Variants in FREM1 observed in about 807,000 individuals in gnomAD.
The protein encoded by FREM1 is FRAS1 related extracellular matrix 1.
Under a neutral mutation model 210.1 loss-of-function variants are expected in FREM1, and 220 were observed. The ratio of observed to expected loss-of-function variants is 1.05; its 90% CI spans 0.94 to 1.17. FREM1 has a LOEUF of 1.17. Among genes scored for constraint, FREM1 ranks in the 50% most tolerant of loss-of-function variants. The pLI, the probability that FREM1 is intolerant of heterozygous loss-of-function variation, is 0.00. For synonymous variants in FREM1, 1,189 were observed against 980.2 expected (o/e 1.21, Z -3.98); for missense variants, 3,454 against 2,675.5 (o/e 1.29, Z -6.42).
At chr9:14,816,145 T>C (rs1232679289) in intron 15 of FREM1, among the ~76,000 whole-genome samples, 1 of 152,212 alleles carries the variant, frequency 6.6e-6, no homozygotes, top group Non-Finnish European at 1.5e-5. Context: ...TTCTGAGTTT[T>C]ATAGTTCAAA....
At chr9:14,873,478 T>C (rs186346600) in intron 1 of FREM1, among the ~76,000 whole-genome samples, 1 of 152,318 alleles carries the variant, frequency 6.6e-6, no homozygotes, top group Non-Finnish European at 1.5e-5. Flanking sequence ...CAGTATTCTC[T>C]GATGGTAGTT....
intron 29 of FREM1, among the ~76,000 whole-genome samples, chr9:14,752,253 T>C (rs1026953109): frequency 2.0e-5 from 3 of 151,966 alleles, no homozygotes; most frequent in African/African-American, 7.3e-5. Flanking sequence ...CAGAATAGAT[T>C]GTAGAGCCTA....
At chr9:14,746,217 G>A (rs931463825) in intron 35 of FREM1, 136 bp downstream of exon 35, 20 of 603,784 alleles carry the variant, frequency 3.3e-5, no homozygotes, top group Admixed American at 2.7e-4. Flanking sequence ...ACTCCCTCAG[G>A]GCTCCTAAAA....
rs116309680 is a variant in FREM1 at position 14,891,225 on chromosome 9, C to G, written c.-268+18689G>C. 5.1e-3 allele frequency among the ~76,000 whole-genome samples: 770 copies of G among 152,282 alleles called. 4 individuals carry two copies. Among genetic ancestry groups the G allele is most frequent in the African/African-American group, 0.018 (745 of 41,546 alleles). On this transcript the variant is annotated intron_variant, in intron 1 of 36. Coordinates refer to ENST00000380880, the MANE Select transcript of FREM1 (RefSeq NM_001379081.2). Reference sequence around the variant, plus strand: ...CATGTCCAGGAATTCATCTTTGAGACCAATTCAATTTTCAGAATGTATCTT... The same window carrying G: ...CATGTCCAGGAATTCATCTTTGAGAGCAATTCAATTTTCAGAATGTATCTT...
At chr9:14,748,752 C>A in intron 30 of FREM1, 113 bp from the exon 31 acceptor site, 1 of 698,934 alleles carries the variant, frequency 1.4e-6, no homozygotes, top group Non-Finnish European at 2.4e-6. Context: ...GATGGTTTTC[C>A]CACCAGATGT....
At chr9:14,819,985 G>A (rs1388890951) in intron 13 of FREM1, among the ~76,000 whole-genome samples, 5 of 152,038 alleles carry the variant, frequency 3.3e-5, no homozygotes, top group Non-Finnish European at 5.9e-5. Context: ...AGATTCCAGA[G>A]GAAATAGATT....
chr9:14,809,418 C>G (rs946686439), intron 16 of FREM1, among the ~76,000 whole-genome samples: 1 of 152,172 alleles, frequency 6.6e-6, no homozygotes, highest in African/African-American at 2.4e-5. Context: ...TCAGCAGACA[C>G]TCTGGTCAAA....
At chr9:14,825,266 T>A (rs1448114899) in intron 10 of FREM1, among the ~76,000 whole-genome samples, 1 of 151,864 alleles carries the variant, frequency 6.6e-6, no homozygotes, top group Non-Finnish European at 1.5e-5. Flanking sequence ...GGTGGGCAGA[T>A]CACCTGAAAT....
intron 1 of FREM1, among the ~76,000 whole-genome samples, chr9:14,902,839 C>T (rs539516501): frequency 6.6e-6 from 1 of 152,276 alleles, no homozygotes; most frequent in East Asian, 1.9e-4. Context: ...TATGTGGCTA[C>T]ATATTTTATT....
intron 8 of FREM1, among the ~76,000 whole-genome samples, chr9:14,844,072 G>A (rs116287742): frequency 0.015 from 2,336 of 152,208 alleles, 67 homozygotes; most frequent in African/African-American, 0.054. Context: ...TTTCTACAGT[G>A]TCTGTCACAA....
At chr9:14,871,396 C>T (rs10810275) in intron 1 of FREM1, among the ~76,000 whole-genome samples, 34,438 of 151,928 alleles carry the variant, frequency 0.23, 4,601 homozygotes, top group East Asian at 0.71. Flanking sequence ...TGCATTTCTC[C>T]GATGGCCAGT....
chr9:14,901,481 C>A lies in FREM1; in HGVS notation c.-268+8433G>T, dbSNP rs988976756. Among the ~76,000 whole-genome samples, 47 of 152,108 alleles carry A rather than the reference C, an allele frequency of 3.1e-4. 2 individuals carry two copies. Among genetic ancestry groups the A allele is most frequent in the Admixed American group, 2.6e-3 (39 of 15,272 alleles). Reference sequence around the variant, plus strand: ...TTTCAGCCCATATTACTGCCTCCAGCTTTCTCCATGGGATAAACAGTCTGG... The same window carrying A: ...TTTCAGCCCATATTACTGCCTCCAGATTTCTCCATGGGATAAACAGTCTGG... On this transcript the variant is annotated intron_variant, in intron 1 of 36. Coordinates refer to ENST00000380880, the MANE Select transcript of FREM1 (RefSeq NM_001379081.2).
At chr9:14,788,757 G>A (rs1404809457) in intron 23 of FREM1, among the ~76,000 whole-genome samples, 162 bp downstream of exon 23, 2 of 152,122 alleles carry the variant, frequency 1.3e-5, no homozygotes, top group Admixed American at 1.3e-4. Flanking sequence ...CAAAGCAGGT[G>A]AGAAGCCAAA....
rs368575990 is a variant in FREM1, at chr9:14,868,850, G to C, written c.128C>G (p.Ser43Ter). 6.2e-7 allele frequency: 1 copy of C among 1,611,086 alleles called. No homozygotes were observed. Among genetic ancestry groups the C allele is most frequent in the Non-Finnish European group, 8.5e-7 (1 of 1,178,626 alleles). ...GATGGCAAACTTCAGGTCATCTCCT[G>C]ACAGGAAGGCAGAGTGGCCCTTCAT... ...RVMKGHSAFL[S>*]GDDLKFAIPK... Residue 43 changes from serine (S) to a stop codon, truncating the protein, a stop_gained, in exon 2 of 37, where the codon TCA (serine) becomes TGA (stop). Transcript: ENST00000380880. LOFTEE classifies it high-confidence loss of function.
intron 2 of FREM1, among the ~76,000 whole-genome samples, chr9:14,866,465 G>C (rs1417627088): frequency 1.3e-5 from 2 of 152,124 alleles, no homozygotes; most frequent in Non-Finnish European, 1.5e-5. Context: ...AGGGAGAGGA[G>C]AGCTCTCAGA....
intron 27 of FREM1, among the ~76,000 whole-genome samples, chr9:14,763,997 T>C (rs1845963143): frequency 6.6e-6 from 1 of 152,220 alleles, no homozygotes; most frequent in Non-Finnish European, 1.5e-5. Flanking sequence ...CATGTTGAAT[T>C]GTAGCTCATC....
At chr9:14,821,502 T>C (rs1014885707) in intron 13 of FREM1, among the ~76,000 whole-genome samples, 5 of 152,238 alleles carry the variant, frequency 3.3e-5, no homozygotes, top group African/African-American at 1.2e-4. Flanking sequence ...TTTGATGGCC[T>C]GTATCTCATA....
At chr9:14,745,817 G>A (rs937373812) in intron 35 of FREM1, among the ~76,000 whole-genome samples, 3 of 152,188 alleles carry the variant, frequency 2.0e-5, no homozygotes, top group African/African-American at 7.2e-5. Flanking sequence ...CTGACCATAA[G>A]TTATCCTTTA....
At chr9:14,756,969 T>C (rs188662856) in intron 28 of FREM1, among the ~76,000 whole-genome samples, 20 of 152,278 alleles carry the variant, frequency 1.3e-4, no homozygotes, top group Non-Finnish European at 2.9e-4. Context: ...TTCATTTTCC[T>C]GTCTGGATGA....
Sources: allele counts gnomAD v4.1 joint callset (sites outside exome capture counted in the v4.1 genomes callset), GRCh38; gene constraint gnomAD v4.1.1; transcripts MANE v1.5; gene names NCBI Gene and HGNC (gene_info 2026-07-23, HGNC 2026-07-21).